Variants in JARID2 observed in about 807,000 individuals in gnomAD.
JARID2 encodes protein Jumonji.
Under a neutral mutation model 125.6 loss-of-function variants are expected in JARID2, and 21 were observed. That is an observed-to-expected ratio of 0.17 (90% CI 0.12 to 0.24). The LOEUF is 0.24. Among genes scored for constraint, JARID2 ranks in the 10% least tolerant of loss-of-function variants. The pLI, the probability that JARID2 is intolerant of heterozygous loss-of-function variation, is 1.00. For missense variants in JARID2, 1,303 were observed against 1,639.6 expected (o/e 0.79, Z 3.55); for synonymous variants, 736 against 661.6 (o/e 1.11, Z -1.73).
chr6:15,400,857 C>T, intron 2 of JARID2: 1 of 1,286,244 alleles, frequency 7.8e-7, no homozygotes, highest in South Asian at 1.2e-5. Flanking sequence ...GGATTGTTGA[C>T]AAGTGCTCCG....
chr6:15,323,258 T>C (rs1462108832), intron 1 of JARID2, among the ~76,000 whole-genome samples: 2 of 152,266 alleles, frequency 1.3e-5, no homozygotes, highest in Admixed American at 6.5e-5. Flanking sequence ...TAAGCATATC[T>C]GAACTGTGTA....
At chr6:15,322,975 G>A (rs891379332) in intron 1 of JARID2, among the ~76,000 whole-genome samples, 2 of 152,194 alleles carry the variant, frequency 1.3e-5, no homozygotes, top group African/African-American at 2.4e-5. Context: ...GAATTATCTG[G>A]TTCATTTGAG....
chr6:15,496,307 A>T lies in JARID2; in HGVS notation c.1082A>T (p.Lys361Ile), dbSNP rs1035929001. 1.2e-6 allele frequency: 2 copies of T among 1,614,092 alleles called. No homozygotes were observed. Among genetic ancestry groups the T allele is most frequent in the South Asian group, 1.1e-5 (1 of 91,092 alleles). The change falls in exon 7 of 18, where the codon AAA becomes ATA. Residue 361 changes from lysine (K) to isoleucine (I), a missense_variant. This residue lies in a region of JARID2 where 651 missense variants were observed against 581.6 expected (regional missense o/e 1.12). Coordinates refer to ENST00000341776, the MANE Select transcript of JARID2 (RefSeq NM_004973.4). ...KAKRELVKDT[K>I]PNHHKPSSAV... The stretch of plus-strand genomic sequence containing the variant: ...AAGAGAGAACTGGTCAAGGACACCA[A>T]ACCCAATCACCACAAGCCCAGTTCC...
chr6:15,412,839 T>G (rs1221583618), intron 3 of JARID2, among the ~76,000 whole-genome samples: 5 of 152,078 alleles, frequency 3.3e-5, no homozygotes, highest in Non-Finnish European at 7.4e-5. Context: ...CCTTTTCTAA[T>G]AGGGTAATGG....
intron 1 of JARID2, among the ~76,000 whole-genome samples, chr6:15,333,557 A>G (rs543039041): frequency 1.3e-5 from 2 of 152,208 alleles, no homozygotes; most frequent in Non-Finnish European, 2.9e-5. Flanking sequence ...AGTTCTTAGA[A>G]TGGTGGTTAA....
At chr6:15,432,572 A>G (rs906544604) in intron 3 of JARID2, among the ~76,000 whole-genome samples, 3 of 152,238 alleles carry the variant, frequency 2.0e-5, no homozygotes, top group African/African-American at 7.2e-5. Context: ...AATACCCTCT[A>G]GAGGTTTCCC....
In JARID2 at chr6:15,343,249, A is replaced by T. The variant is rs1399062370; in HGVS notation, c.46-30868A>T. Among the ~76,000 whole-genome samples the T allele has an allele frequency of 3.1e-5, 4 of 128,890 alleles. No individual in the cohort carries two copies. In the East Asian group the frequency reaches 7.1e-4, roughly 23 times the overall value. 84.6% of individuals were successfully genotyped at this position (128,890 alleles called of 152,430 possible). ...CGTCAAAAAAAAAAAAAAAAAAAAA[A>T]AGGGAATAGCTGCTTTACTTCACAG... On this transcript the variant is annotated intron_variant, in intron 1 of 17. Coordinates refer to ENST00000341776, the MANE Select transcript of JARID2 (RefSeq NM_004973.4).
intron 1 of JARID2, among the ~76,000 whole-genome samples, chr6:15,310,148 G>T (rs756466596): frequency 6.6e-6 from 1 of 152,118 alleles, no homozygotes; most frequent in Admixed American, 6.6e-5. Context: ...TTCCAGATAG[G>T]TAATTTAATT....
chr6:15,486,701 T>C (rs1457242283), intron 5 of JARID2, among the ~76,000 whole-genome samples: 1 of 152,204 alleles, frequency 6.6e-6, no homozygotes, highest in African/African-American at 2.4e-5. Flanking sequence ...CCTTTCTTCA[T>C]CTCTGTTGTC....
chr6:15,318,327 G>A (rs975548613), intron 1 of JARID2, among the ~76,000 whole-genome samples: 2 of 152,236 alleles, frequency 1.3e-5, no homozygotes, highest in Non-Finnish European at 2.9e-5. Flanking sequence ...CATGTTAGAT[G>A]TAGGCAATTG....
chr6:15,503,392 A>G (rs1318890495), intron 8 of JARID2, among the ~76,000 whole-genome samples: 1 of 152,200 alleles, frequency 6.6e-6, no homozygotes, highest in Non-Finnish European at 1.5e-5. Flanking sequence ...CAGGAGAGAA[A>G]GGCACAAGCC....
chr6:15,344,064 G>A (rs1763160423), intron 1 of JARID2, among the ~76,000 whole-genome samples: 1 of 149,766 alleles, frequency 6.7e-6, no homozygotes, highest in Non-Finnish European at 1.5e-5. Flanking sequence ...GAATTTTAAG[G>A]AAGTACATGA....
intron 1 of JARID2, among the ~76,000 whole-genome samples, chr6:15,296,558 CAT>C (rs1254341682): frequency 6.6e-6 from 1 of 152,160 alleles, no homozygotes; most frequent in East Asian, 1.9e-4. Flanking sequence ...CCCCGCAACA[CAT>C]AGTTTTTATA....
intron 2 of JARID2, among the ~76,000 whole-genome samples, chr6:15,379,805 C>T (rs1023792338): frequency 6.6e-6 from 1 of 152,122 alleles, no homozygotes; most frequent in South Asian, 2.1e-4. Flanking sequence ...GCCTACCCAG[C>T]TATTAAGTGG....
At chr6:15,393,850 A>G (rs941413732) in intron 2 of JARID2, among the ~76,000 whole-genome samples, 1 of 152,204 alleles carries the variant, frequency 6.6e-6, no homozygotes, top group Non-Finnish European at 1.5e-5. Context: ...TATAAAAGGC[A>G]CATATTTTGA....
chr6:15,277,710 G>T (rs968302989), intron 1 of JARID2, among the ~76,000 whole-genome samples: 1 of 150,596 alleles, frequency 6.6e-6, no homozygotes, highest in Non-Finnish European at 1.5e-5. Flanking sequence ...CTGTTTAAAA[G>T]TAGTTATGAA....
chr6:15,506,949 A>G (rs1355978001), intron 9 of JARID2, among the ~76,000 whole-genome samples, 187 bp from the exon 10 acceptor site: 1 of 152,204 alleles, frequency 6.6e-6, no homozygotes, highest in Non-Finnish European at 1.5e-5. Flanking sequence ...CATTCTGAGG[A>G]TATGCCTGGA....
In JARID2 at chr6:15,507,206, A is replaced by G. The variant is rs1771046629; in HGVS notation, c.2612A>G (p.Asn871Ser). The change falls in exon 10 of 18, where the codon AAC becomes AGC. Residue 871 changes from asparagine (N) to serine (S), a missense_variant. This residue lies in a region of JARID2 where 27 missense variants were observed against 108.7 expected (regional missense o/e 0.25). Coordinates refer to ENST00000341776, the MANE Select transcript of JARID2 (RefSeq NM_004973.4). Reference sequence around the variant, plus strand: ...GTGCACTGCGGCAAGGTGGACACCAACACTCACGGCAGTGGATTCCCAGTA... The same window carrying G: ...GTGCACTGCGGCAAGGTGGACACCAGCACTCACGGCAGTGGATTCCCAGTA... ...VAVHCGKVDT[N>S]THGSGFPVGK... 1 of 1,613,918 alleles carries G rather than the reference A, an allele frequency of 6.2e-7. No homozygotes were observed. The highest frequency in any genetic ancestry group is 1.7e-5 in the Admixed American group (1 of 60,006).
chr6:15,277,095 G>C (rs973475605), intron 1 of JARID2, among the ~76,000 whole-genome samples: 1 of 152,134 alleles, frequency 6.6e-6, no homozygotes, highest in Non-Finnish European at 1.5e-5. Flanking sequence ...ACCATGTTTT[G>C]AGTGCCTTGT....
Sources: gnomAD v4.1 joint callset for allele counts (sites outside exome capture counted in the v4.1 genomes callset) on GRCh38, gnomAD v4.1.1 for gene constraint, gnomAD v4.1.1 regional missense constraint, MANE v1.5 for transcripts, NCBI Gene and HGNC (gene_info 2026-07-23, HGNC 2026-07-21) for gene names.